The following EBF3 variants were observed in gnomAD, a reference collection of about 807,000 sequenced individuals.
The protein encoded by EBF3 is EBF transcription factor 3, also known as transcription factor COE3.
EBF3 carries 18 observed loss-of-function variants against 77.1 expected under a neutral mutation model. That is an observed-to-expected ratio of 0.23 (90% CI 0.16 to 0.35). EBF3 has a LOEUF of 0.35. Ranked by LOEUF, EBF3 falls within the 10% of genes least tolerant of loss-of-function variation. EBF3 has a pLI of 1.00. For synonymous variants in EBF3, 350 were observed against 343.5 expected, an observed-to-expected ratio of 1.02 and a Z score of -0.21; for missense variants, 558 against 860.0, an observed-to-expected ratio of 0.65 and a Z score of 4.39.
At chr10:129,893,741 C>T (rs376989114) in intron 6 of EBF3, among the ~76,000 whole-genome samples, 30 of 152,322 alleles carry the variant, frequency 2.0e-4, no homozygotes, top group African/African-American at 7.0e-4. Flanking sequence ...ATTTCTTCTG[C>T]GCTCCCCTCC....
intron 11 of EBF3, chr10:129,845,798 CAG>C (rs1415898820): frequency 1.3e-5 from 2 of 151,792 alleles, no homozygotes; most frequent in Middle Eastern, 3.2e-3. Context: ...ATGCATGAAA[CAG>C]AAAAAAAACT....
chr10:129,881,512 C>A (rs1475510135), intron 6 of EBF3, among the ~76,000 whole-genome samples: 2 of 152,182 alleles, frequency 1.3e-5, no homozygotes, highest in African/African-American at 2.4e-5. Flanking sequence ...CCATTCCACT[C>A]GGAAACAGCC....
At chr10:129,953,070 A>T (rs1362531073) in intron 6 of EBF3, among the ~76,000 whole-genome samples, 1 of 151,920 alleles carries the variant, frequency 6.6e-6, no homozygotes, top group Admixed American at 6.6e-5. Flanking sequence ...AAAGAAAGAA[A>T]AGAAAGAAGA....
intron 6 of EBF3, among the ~76,000 whole-genome samples, chr10:129,892,757 G>A (rs1028309698): frequency 1.3e-5 from 2 of 152,178 alleles, no homozygotes; most frequent in African/African-American, 4.8e-5. Context: ...CTTTCACTGA[G>A]CAGGGTTAAC....
At chr10:129,957,841 T>C (rs1438949395) in intron 5 of EBF3, among the ~76,000 whole-genome samples, 1 of 152,242 alleles carries the variant, frequency 6.6e-6, no homozygotes, top group Non-Finnish European at 1.5e-5. Context: ...TTAACTCTGT[T>C]ATTGAAACTT....
intron 11 of EBF3, among the ~76,000 whole-genome samples, chr10:129,846,389 A>G (rs1850466940): frequency 6.6e-6 from 1 of 151,982 alleles, no homozygotes; most frequent in Admixed American, 6.6e-5. Context: ...TATTGTGGTA[A>G]TATTATCAAC....
At chr10:129,936,722 G>A in intron 6 of EBF3, among the ~76,000 whole-genome samples, 1 of 151,594 alleles carries the variant, frequency 6.6e-6, no homozygotes, top group African/African-American at 2.4e-5. Context: ...AGCTGTGTGG[G>A]GACCCAGGGG....
At chr10:129,887,398 A>G (rs1218751293) in intron 6 of EBF3, among the ~76,000 whole-genome samples, 1 of 152,202 alleles carries the variant, frequency 6.6e-6, no homozygotes, top group Non-Finnish European at 1.5e-5. Context: ...ATAAAGATAC[A>G]TTAGTTCTCT....
At chr10:129,867,747 C>T in intron 9 of EBF3, 35 bp downstream of exon 9, 3 of 1,610,664 alleles carry the variant, frequency 1.9e-6, no homozygotes, top group Non-Finnish European at 2.5e-6. Flanking sequence ...ATGAAGACAG[C>T]AACAGCGCGA....
At chr10:129,855,165 A>C (rs1851166445) in intron 10 of EBF3, among the ~76,000 whole-genome samples, 3 of 152,202 alleles carry the variant, frequency 2.0e-5, no homozygotes, top group African/African-American at 7.2e-5. Context: ...GTTGAGAAAA[A>C]CACTTGACTT....
chr10:129,953,031 TAAAA>T (rs560515814), intron 6 of EBF3, among the ~76,000 whole-genome samples: 1 of 64,722 alleles, frequency 1.5e-5, no homozygotes. Context: ...CACTGTTGAC[TAAAA>T]AAAAAAAAAA....
chr10:129,884,167 C>T (rs1196480588), intron 6 of EBF3, among the ~76,000 whole-genome samples: 25 of 152,196 alleles, frequency 1.6e-4, no homozygotes, highest in Admixed American at 1.6e-3. Flanking sequence ...GCAGTGGCCA[C>T]AGCTGTGGTG....
chr10:129,929,798 T>C (rs1022880800), intron 6 of EBF3, among the ~76,000 whole-genome samples: 1 of 152,146 alleles, frequency 6.6e-6, no homozygotes, highest in African/African-American at 2.4e-5. Flanking sequence ...CCACAGAAAT[T>C]AGAGACCACA....
Position 129,835,264 on chromosome 10 carries a change from A to G in EBF3, c.*2679T>C, listed in dbSNP as rs952794051. ...TTTAGTCATTTTAATAATCAAAAACAGAGAAAATTACCAAAAGTGAAATTC... is the reference window on the plus strand; with the variant it reads ...TTTAGTCATTTTAATAATCAAAAACGGAGAAAATTACCAAAAGTGAAATTC... On this transcript the variant is annotated 3_prime_UTR_variant, in exon 17 of 17. Coordinates refer to ENST00000440978, the MANE Select transcript of EBF3 (RefSeq NM_001375380.1). 1 of 152,208 alleles carries G rather than the reference A, an allele frequency of 6.6e-6. No individual in the cohort carries two copies. Among genetic ancestry groups the G allele is most frequent in the African/African-American group, 2.4e-5 (1 of 41,014 alleles). 9.4% of individuals were successfully genotyped at this position (152,208 alleles called of 1,614,324 possible).
In EBF3 at chr10:129,842,405, C is replaced by A. The variant is rs571547641; in HGVS notation, c.1195-112G>T. On this transcript the variant is annotated intron_variant, in intron 12 of 16. Transcript: ENST00000440978. The surrounding 1 kb of genome is among the most constrained non-coding windows in gnomAD (Gnocchi z 4.4). ...CCACTGTCCCTTGCCCAGACCATGA[C>A]CAAATCTATTTCTTAATGGGCAAAG... The A allele has an allele frequency of 4.0e-6, 5 of 1,249,164 alleles. No homozygotes were observed. The South Asian group carries it at 7.5e-5, about 19-fold the overall frequency. The allele number at this position is 1,249,164 out of a possible 1,614,324, so 77.4% of individuals were successfully genotyped here.
intron 6 of EBF3, among the ~76,000 whole-genome samples, chr10:129,901,715 A>G (rs1327255714): frequency 2.0e-5 from 3 of 152,252 alleles, no homozygotes; most frequent in Non-Finnish European, 4.4e-5. Context: ...AAATCCTGCA[A>G]ATCACTAAAA....
Position 129,963,874 on chromosome 10 carries a change from C to A in EBF3, c.-106G>T. The A allele has an allele frequency of 2.4e-6, 3 of 1,229,550 alleles. No homozygotes were observed. The South Asian group carries it at 6.8e-5, about 28-fold the overall frequency. The allele number at this position is 1,229,550 out of a possible 1,614,324, so 76.2% of individuals were successfully genotyped here. A position where few individuals can be genotyped will look rare whatever the true frequency, so the allele number is the denominator to read the frequency against. On this transcript the variant is annotated 5_prime_UTR_variant, in exon 1 of 17. Transcript: ENST00000440978. The surrounding 1 kb of genome is among the most constrained non-coding windows in gnomAD (Gnocchi z 7.1). ...CTGCCCTGGCCGCCCTCGCCCTGCT[C>A]GGCGCCTGCGGTCCGGCCCCGCCGC...
At chr10:129,936,630 G>A (rs556742616) in intron 6 of EBF3, among the ~76,000 whole-genome samples, 9 of 151,262 alleles carry the variant, frequency 5.9e-5, no homozygotes, top group African/African-American at 2.2e-4. Context: ...TATGGCAGGG[G>A]ACCCTCAGCT....
chr10:129,915,024 T>C (rs1288220261), intron 6 of EBF3, among the ~76,000 whole-genome samples: 1 of 152,182 alleles, frequency 6.6e-6, no homozygotes, highest in African/African-American at 2.4e-5. Flanking sequence ...CAAATGTGCT[T>C]GGCAAACCCT....
Sources: allele counts gnomAD v4.1 joint callset (sites outside exome capture counted in the v4.1 genomes callset), GRCh38; gene constraint gnomAD v4.1.1; non-coding constraint Gnocchi (gnomAD v3.1); transcripts MANE v1.5; gene names NCBI Gene and HGNC (gene_info 2026-07-23, HGNC 2026-07-21).